The following ST6GALNAC4 variants were observed in gnomAD, a reference collection of about 807,000 sequenced individuals.
ST6GALNAC4 encodes the protein alpha-N-acetyl-neuraminyl-2,3-beta-galactosyl-1,3-N-acetyl-galactosaminide alpha-2,6-sialyltransferase.
ST6GALNAC4 carries 24 observed loss-of-function variants against 30.4 expected under a neutral mutation model. The ratio of observed to expected loss-of-function variants is 0.79; its 90% CI spans 0.57 to 1.11. ST6GALNAC4 has a LOEUF of 1.11. Ranked by LOEUF, ST6GALNAC4 falls within the 50% of genes most tolerant of loss-of-function variation. The pLI is 0.00. For synonymous variants in ST6GALNAC4, 156 were observed against 179.7 expected, an observed-to-expected ratio of 0.87 and a Z score of 1.05; for missense variants, 365 against 430.1, an observed-to-expected ratio of 0.85 and a Z score of 1.34.
At chr9:127,911,116 G>C (rs540675805) in intron 4 of ST6GALNAC4, among the ~76,000 whole-genome samples, 34 of 152,312 alleles carry the variant, frequency 2.2e-4, no homozygotes, top group African/African-American at 7.5e-4. Flanking sequence ...GCCCCAGACG[G>C]CCAGTATGGG....
At chr9:127,911,384 C>T (rs569762554) in intron 4 of ST6GALNAC4, among the ~76,000 whole-genome samples, 1 of 152,286 alleles carries the variant, frequency 6.6e-6, no homozygotes, top group East Asian at 1.9e-4. Flanking sequence ...GAGGGGCTGG[C>T]AAGAGTCATG....
chr9:127,913,362 A>G (rs901825359), intron 3 of ST6GALNAC4, among the ~76,000 whole-genome samples: 3 of 152,110 alleles, frequency 2.0e-5, no homozygotes, highest in Non-Finnish European at 4.4e-5. Context: ...AGGTGGGTGA[A>G]TCACCTGAGG....
chr9:127,912,118 C>G, intron 4 of ST6GALNAC4, 150 bp downstream of exon 4: 1 of 988,002 alleles, frequency 1.0e-6, no homozygotes, highest in Non-Finnish European at 1.5e-6. Context: ...CCCTCTGCCT[C>G]CTGCCCCCCA....
intron 5 of ST6GALNAC4, 70 bp from the exon 6 acceptor site, chr9:127,908,651 C>T (rs1006137000): frequency 2.1e-6 from 3 of 1,411,280 alleles, no homozygotes; most frequent in Non-Finnish European, 2.8e-6. Flanking sequence ...TGCCGCCTAC[C>T]TTGACCACCC....
At position 127,912,122 on chromosome 9, in the gene ST6GALNAC4, C is replaced by T. The variant is rs565945504; in HGVS notation, c.611+146G>A. The T allele has an allele frequency of 1.7e-5, 17 of 999,332 alleles. No individual in the cohort carries two copies. In the East Asian group the frequency reaches 3.4e-4, roughly 20 times the overall value. The allele number at this position is 999,332 out of a possible 1,614,324, so 61.9% of individuals were successfully genotyped here. On this transcript the variant is annotated intron_variant, in intron 4 of 5. Coordinates refer to ENST00000335791, the MANE Select transcript of ST6GALNAC4 (RefSeq NM_175039.4). ...TGAGTGACATCCCCTCTGCCTCCTG[C>T]CCCCCATTAGAGGGCAGGACCATGT...
chr9:127,916,627 G>A, intron 1 of ST6GALNAC4, 133 bp from the exon 2 acceptor site: 1 of 613,544 alleles, frequency 1.6e-6, no homozygotes, highest in South Asian at 1.9e-5. Context: ...ACCCCTTGAC[G>A]TCTCCAAACA....
At chr9:127,910,169 C>G in intron 4 of ST6GALNAC4, 111 bp from the exon 5 acceptor site, 5 of 1,456,358 alleles carry the variant, frequency 3.4e-6, no homozygotes, top group Non-Finnish European at 4.5e-6. Flanking sequence ...ACCTCAACCT[C>G]TTGCGGGGGG....
At chr9:127,910,501 G>A (rs1302997794) in intron 4 of ST6GALNAC4, 4 of 1,007,584 alleles carry the variant, frequency 4.0e-6, no homozygotes, top group Non-Finnish European at 3.6e-6. Context: ...ACATTTGCTC[G>A]TGAACCTCTC....
In ST6GALNAC4 at chr9:127,914,796, C is replaced by A; in HGVS notation, c.58G>T (p.Val20Phe). The A allele has an allele frequency of 6.3e-7, 1 of 1,586,884 alleles. No individual in the cohort carries two copies. The highest frequency in any genetic ancestry group is 8.6e-7 in the Non-Finnish European group (1 of 1,165,432). ...GCCCAGCAGCACAGGAGGATGTAGACGGCAGAGAAGACCACGGAGCACAGG... is the reference window on the plus strand; with the variant it reads ...GCCCAGCAGCACAGGAGGATGTAGAAGGCAGAGAAGACCACGGAGCACAGG... ...IILCSVVFSA[V>F]YILLCCWAGL... The change falls in exon 3 of 6, where the codon GTC becomes TTC. Residue 20 changes from valine (V) to phenylalanine (F), a missense_variant. Coordinates refer to ENST00000335791, the MANE Select transcript of ST6GALNAC4 (RefSeq NM_175039.4).
chr9:127,910,184 G>C, intron 4 of ST6GALNAC4, 126 bp from the exon 5 acceptor site: 1 of 1,453,058 alleles, frequency 6.9e-7, no homozygotes, highest in Non-Finnish European at 9.1e-7. Flanking sequence ...GGGGGGCTCT[G>C]GGGGAGGCTG....
chr9:127,910,302 A>G (rs1831048467), intron 4 of ST6GALNAC4: 6 of 1,286,418 alleles, frequency 4.7e-6, no homozygotes, highest in Middle Eastern at 3.2e-4. Context: ...GGGCCCAGCT[A>G]CGCTTTGCAG....
At chr9:127,912,830 G>A in intron 3 of ST6GALNAC4, 150 bp from the exon 4 acceptor site, 2 of 949,980 alleles carry the variant, frequency 2.1e-6, no homozygotes, top group Non-Finnish European at 3.0e-6. Flanking sequence ...TGGGCAGCAG[G>A]GATGACTTTC....
chr9:127,912,586 T>C lies in ST6GALNAC4; in HGVS notation c.293A>G (p.Glu98Gly), dbSNP rs753377265. 26 of 1,610,868 alleles carry C rather than the reference T, an allele frequency of 1.6e-5. 1 individual carries two copies. The South Asian group carries it at 2.9e-4, about 18-fold the overall frequency. Residue 98 changes from glutamate to glycine, a missense_variant, in exon 4 of 6, where the codon GAG (glutamate) becomes GGG (glycine). Coordinates refer to ENST00000335791, the MANE Select transcript of ST6GALNAC4 (RefSeq NM_175039.4). ...CGCCTGGTTCATGCGGAACACGCAC[T>C]CGGCACTGTCGATCTCAGCACCCAG... ...SGLGAEIDSA[E>G]CVFRMNQAPT...
intron 4 of ST6GALNAC4, among the ~76,000 whole-genome samples, chr9:127,911,863 T>C (rs1831080736): frequency 6.8e-6 from 1 of 146,822 alleles, no homozygotes; most frequent in South Asian, 2.1e-4. Flanking sequence ...CCTCAAGTGA[T>C]CCTCCCGCCT....
rs139354021 is a variant in ST6GALNAC4 at position 127,912,393 on chromosome 9, G to A, written c.486C>T (p.Gly162=). The change falls in exon 4 of 6, where the codon GGC becomes GGT. Residue 162 remains glycine (G), a synonymous_variant. Transcript: ENST00000335791. Reference sequence around the variant, plus strand: ...GCAGCAGCGTGCGGTAGGTGCGGCCGCCGAGCACCCGGTCCATGTGCCTGC... The same window carrying A: ...GCAGCAGCGTGCGGTAGGTGCGGCCACCGAGCACCCGGTCCATGTGCCTGC... The part of the protein sequence containing the change: ...GQGRHMDRVL[G]GRTYRTLLQL... 332 of 1,613,990 alleles carry A rather than the reference G, an allele frequency of 2.1e-4. No homozygotes were observed. The highest frequency in any genetic ancestry group is 1.1e-4 in the African/African-American group (8 of 74,930).
chr9:127,915,651 T>C, intron 2 of ST6GALNAC4, among the ~76,000 whole-genome samples: 1 of 152,164 alleles, frequency 6.6e-6, no homozygotes, highest in East Asian at 1.9e-4. Context: ...TGAATGCCCC[T>C]ACCACCACCA....
intron 4 of ST6GALNAC4, among the ~76,000 whole-genome samples, chr9:127,911,296 A>G (rs1831069003): frequency 6.6e-6 from 1 of 152,162 alleles, no homozygotes; most frequent in Non-Finnish European, 1.5e-5. Flanking sequence ...GGCACAGCCC[A>G]ATTTTCTGGG....
At chr9:127,912,739 T>G (rs999300876) in intron 3 of ST6GALNAC4, 59 bp from the exon 4 acceptor site, 2 of 1,461,316 alleles carry the variant, frequency 1.4e-6, no homozygotes, top group East Asian at 2.4e-5. Context: ...TTACACCCCC[T>G]GCAGCTCCCC....
chr9:127,915,269 A>T (rs1238927294), intron 2 of ST6GALNAC4, among the ~76,000 whole-genome samples: 2 of 152,140 alleles, frequency 1.3e-5, no homozygotes, highest in African/African-American at 4.8e-5. Context: ...GTGTGAACTT[A>T]CGGGAGGGGG....
Sources: allele counts gnomAD v4.1 joint callset (sites outside exome capture counted in the v4.1 genomes callset), GRCh38; gene constraint gnomAD v4.1.1; transcripts MANE v1.5; gene names NCBI Gene and HGNC (gene_info 2026-07-23, HGNC 2026-07-21).